TAS2R1: variants seen among roughly 807,000 people sequenced by gnomAD.
TAS2R1 encodes taste 2 receptor member 1.
For missense variants in TAS2R1, 370 were observed against 353.4 expected, an observed-to-expected ratio of 1.05 and a Z score of -0.38; for synonymous variants, 141 against 134.2, an observed-to-expected ratio of 1.05 and a Z score of -0.35.
the TAS2R1 span, among the ~76,000 whole-genome samples, chr5:9,802,905 A>C: frequency 6.6e-6 from 1 of 152,194 alleles, no homozygotes; most frequent in Non-Finnish European, 1.5e-5. Context: ...TCCGTCTAAA[A>C]ATAAAAATAA....
chr5:9,648,116 G>A (rs1424387909), intron 2 of TAS2R1, among the ~76,000 whole-genome samples: 1 of 152,106 alleles, frequency 6.6e-6, no homozygotes, highest in African/African-American at 2.4e-5. Context: ...CTAAAATGGA[G>A]AAAGTAAGTG....
the TAS2R1 span, among the ~76,000 whole-genome samples, chr5:9,837,656 T>G: frequency 6.6e-6 from 1 of 152,204 alleles, no homozygotes; most frequent in Non-Finnish European, 1.5e-5. Flanking sequence ...TCTGCTTTCC[T>G]CCATTGCACA....
At chr5:9,663,400 A>G (rs947488644) in intron 1 of TAS2R1, among the ~76,000 whole-genome samples, 19 of 152,186 alleles carry the variant, frequency 1.2e-4, no homozygotes, top group Admixed American at 1.2e-3. Context: ...CAAGTCTACA[A>G]TGGAGGAGGA....
intron 2 of TAS2R1, chr5:9,658,759 C>G (rs1740467737): frequency 6.6e-6 from 1 of 152,224 alleles, no homozygotes; most frequent in South Asian, 2.1e-4. Flanking sequence ...TTATTCAACT[C>G]TATTGCAGCA....
At chr5:9,893,907 T>C in the TAS2R1 span, among the ~76,000 whole-genome samples, 4 of 152,216 alleles carry the variant, frequency 2.6e-5, no homozygotes, top group Non-Finnish European at 5.9e-5. Context: ...GTACCTAACA[T>C]GGCCTTTAGG....
the TAS2R1 span, among the ~76,000 whole-genome samples, chr5:9,838,482 T>C: frequency 6.6e-6 from 1 of 152,188 alleles, no homozygotes; most frequent in African/African-American, 2.4e-5. Context: ...TCATCCCTGA[T>C]ATGCGAAGAA....
chr5:9,755,355 A>G, the TAS2R1 span, among the ~76,000 whole-genome samples: 1 of 152,190 alleles, frequency 6.6e-6, no homozygotes, highest in Admixed American at 6.5e-5. Context: ...TGGGAGGCTG[A>G]GGCAGGTGGA....
At chr5:9,672,701 G>A (rs1490268227) in intron 1 of TAS2R1, among the ~76,000 whole-genome samples, 1 of 152,146 alleles carries the variant, frequency 6.6e-6, no homozygotes, top group Non-Finnish European at 1.5e-5. Flanking sequence ...AATTAGTTCA[G>A]TCATTGTGAA....
intron 1 of TAS2R1, chr5:9,712,065 G>C (rs1382827007): frequency 2.9e-5 from 4 of 138,684 alleles, no homozygotes; most frequent in African/African-American, 1.1e-4. Context: ...GGAGGGAATA[G>C]AAAGTGGGGT....
chr5:9,669,624 A>G (rs752467182), intron 1 of TAS2R1, among the ~76,000 whole-genome samples: 8 of 152,210 alleles, frequency 5.3e-5, no homozygotes, highest in Non-Finnish European at 8.8e-5. Context: ...AACCCATACA[A>G]TTACATGGAA....
chr5:9,699,836 A>T (rs1391699956), intron 1 of TAS2R1, among the ~76,000 whole-genome samples: 1 of 152,206 alleles, frequency 6.6e-6, no homozygotes, highest in Non-Finnish European at 1.5e-5. Context: ...AAAGCCCTGT[A>T]GCATCTTTGA....
the TAS2R1 span, among the ~76,000 whole-genome samples, chr5:9,893,634 C>G: frequency 6.6e-6 from 1 of 152,166 alleles, no homozygotes; most frequent in Non-Finnish European, 1.5e-5. Flanking sequence ...AAGTGTATTA[C>G]AACAACGTAA....
At chr5:9,763,624 C>T in the TAS2R1 span, among the ~76,000 whole-genome samples, 1 of 152,270 alleles carries the variant, frequency 6.6e-6, no homozygotes, top group East Asian at 1.9e-4. Context: ...ACAAATGAAC[C>T]AGATGTGCAG....
the TAS2R1 span, among the ~76,000 whole-genome samples, chr5:9,757,522 T>C: frequency 3.3e-5 from 5 of 152,174 alleles, no homozygotes; most frequent in African/African-American, 1.2e-4. Flanking sequence ...AGCCACCCCT[T>C]TTACATCTTC....
the TAS2R1 span, among the ~76,000 whole-genome samples, chr5:9,731,412 G>C: frequency 6.6e-6 from 1 of 152,010 alleles, no homozygotes; most frequent in African/African-American, 2.4e-5. Flanking sequence ...CTCGTGGTAG[G>C]GACTGACATC....
chr5:9,745,368 AT>A, the TAS2R1 span, among the ~76,000 whole-genome samples: 1 of 151,946 alleles, frequency 6.6e-6, no homozygotes, highest in African/African-American at 2.4e-5. Context: ...GAAGGGAGAG[AT>A]TTTTTTAAGA....
chr5:9,812,312 ATATG>A, the TAS2R1 span, among the ~76,000 whole-genome samples: 4 of 151,984 alleles, frequency 2.6e-5, no homozygotes, highest in Admixed American at 6.6e-5. Context: ...AATATTATAT[ATATG>A]TATGTATGTA....
At chr5:9,767,176 C>T in the TAS2R1 span, among the ~76,000 whole-genome samples, 1 of 151,986 alleles carries the variant, frequency 6.6e-6, no homozygotes, top group African/African-American at 2.4e-5. Context: ...TTCCTTTCAT[C>T]GTTCTTCCCA....
chr5:9,658,951 A>G (rs1367560582), intron 2 of TAS2R1, among the ~76,000 whole-genome samples: 1 of 151,640 alleles, frequency 6.6e-6, no homozygotes, highest in Non-Finnish European at 1.5e-5. Context: ...AAATCCTCAC[A>G]CTCCCCTTGC....
Sources: allele counts gnomAD v4.1 joint callset (sites outside exome capture counted in the v4.1 genomes callset), GRCh38; gene constraint gnomAD v4.1.1; transcripts MANE v1.5; gene names NCBI Gene and HGNC (gene_info 2026-07-23, HGNC 2026-07-21).